Variants in NLRP11 observed in about 807,000 individuals in gnomAD.
NLRP11 encodes the protein NLR family pyrin domain containing 11, also known as NACHT, LRR and PYD domains-containing protein 11.
NLRP11 carries 53 observed loss-of-function variants against 79.3 expected under a neutral mutation model. The ratio of observed to expected loss-of-function variants is 0.67; its 90% CI spans 0.54 to 0.84. The LOEUF is 0.84. Ranked by LOEUF, NLRP11 falls within the 40% of genes least tolerant of loss-of-function variation. NLRP11 has a pLI of 0.00. For missense variants in NLRP11, 1,264 were observed against 1,255.0 expected (o/e 1.01, Z -0.11); for synonymous variants, 518 against 462.6 (o/e 1.12, Z -1.54).
chr19:55,797,923 C>T (rs961405393), intron 5 of NLRP11, among the ~76,000 whole-genome samples: 2 of 151,912 alleles, frequency 1.3e-5, no homozygotes, highest in Non-Finnish European at 2.9e-5. Flanking sequence ...AGCCGCAGCA[C>T]GGTACATAAA....
exon 3 of NLRP11, chr19:55,810,088 C>G: frequency 6.2e-7 from 1 of 1,614,160 alleles, no homozygotes; most frequent in Non-Finnish European, 8.5e-7. Flanking sequence ...TCTGCCACAT[C>G]TCACCCTTGA....
intron 5 of NLRP11, among the ~76,000 whole-genome samples, chr19:55,799,285 A>C (rs970458975): frequency 5.3e-5 from 8 of 152,186 alleles, no homozygotes. Flanking sequence ...ATCAAAGTTG[A>C]TATCTCTACA....
chr19:55,807,229 G>C (rs1568635128), intron 4 of NLRP11, among the ~76,000 whole-genome samples: 1 of 152,208 alleles, frequency 6.6e-6, no homozygotes, highest in South Asian at 2.1e-4. Context: ...AGAATCCTAA[G>C]ATCATATATG....
At chr19:55,816,677 C>A (rs999572023) in intron 2 of NLRP11, among the ~76,000 whole-genome samples, 6 of 152,114 alleles carry the variant, frequency 3.9e-5, no homozygotes, top group African/African-American at 1.2e-4. Flanking sequence ...CGGTTGTTAA[C>A]CCTCCATGAT....
chr19:55,815,116 C>CA (rs199819676), intron 2 of NLRP11, among the ~76,000 whole-genome samples: 33,772 of 150,590 alleles, frequency 0.22, 5,747 homozygotes, highest in African/African-American at 0.48. Context: ...ATTCAGGTTA[C>CA]AAAAAAAAAT....
chr19:55,822,283 T>G (rs976319381), intron 1 of NLRP11, among the ~76,000 whole-genome samples: 4 of 146,408 alleles, frequency 2.7e-5, no homozygotes, highest in Admixed American at 6.7e-5. Context: ...TAAAAAAAGA[T>G]TGCCTTAGTC....
Position 55,788,820 on chromosome 19 carries a change from G to C in NLRP11, c.2842C>G (p.Leu948Val), listed in dbSNP as rs754899228. Residue 948 changes from leucine (L) to valine (V), a missense_variant, in exon 9 of 10, where the codon CTT becomes GTT. Transcript: ENST00000589093. ...TAAGCAACTTACCCAACTACCTTAA[G>C]TACACAATCTGGGCTGATCAAGCTC... The C allele has an allele frequency of 1.2e-5, 19 of 1,538,252 alleles. No individual in the cohort carries two copies. In the South Asian group the frequency reaches 1.7e-4, roughly 14 times the overall value.
chr19:55,807,839 G>A lies in NLRP11; in HGVS notation c.2003+14C>T, dbSNP rs1568635403. 2 of 1,578,712 alleles carry A rather than the reference G, an allele frequency of 1.3e-6. No individual in the cohort carries two copies. The highest frequency in any genetic ancestry group is 2.3e-5 in the South Asian group (2 of 88,768). On this transcript the variant is annotated intron_variant, in intron 4 of 9. Transcript: ENST00000589093. Reference sequence around the variant, plus strand: ...TAGGGGAACCTCTAAGGCAGAGGTTGATATAGTACTTACTTGAGTGTGCGA... The same window carrying A: ...TAGGGGAACCTCTAAGGCAGAGGTTAATATAGTACTTACTTGAGTGTGCGA...
chr19:55,821,008 T>C (rs2164657), intron 1 of NLRP11, among the ~76,000 whole-genome samples: 2 of 151,952 alleles, frequency 1.3e-5, no homozygotes, highest in Admixed American at 1.3e-4. Context: ...CCAGAGCTGA[T>C]AAGAGTGGCT....
chr19:55,836,176 T>A (rs771384934), upstream of NLRP11, among the ~76,000 whole-genome samples: 2 of 152,170 alleles, frequency 1.3e-5, no homozygotes, highest in Non-Finnish European at 2.9e-5. Flanking sequence ...GGCAGAAAGA[T>A]GTTGTGCCAC....
At chr19:55,793,557 A>C (rs1181863818) in intron 6 of NLRP11, among the ~76,000 whole-genome samples, 1 of 17,948 alleles carries the variant, frequency 5.6e-5, no homozygotes, top group African/African-American at 3.3e-4. Flanking sequence ...GACTGTCTCC[A>C]AAAAAAAAAA....
At position 55,809,780 on chromosome 19, in the gene NLRP11, G is replaced by A. The variant is rs987752817; in HGVS notation, c.830C>T (p.Ser277Leu). 2 of 1,613,976 alleles carry A rather than the reference G, an allele frequency of 1.2e-6. No homozygotes were observed. Among genetic ancestry groups the A allele is most frequent in the African/African-American group, 1.3e-5 (1 of 74,924 alleles). The change falls in exon 3 of 10, where the codon TCA (serine) becomes TTA (leucine). Residue 277 changes from serine to leucine, a missense_variant. Coordinates refer to ENST00000589093, the Ensembl canonical transcript of NLRP11. The surrounding 1 kb of genome is among the most constrained non-coding windows in gnomAD (Gnocchi z 4.5). ...TACATTATTCCCACGTGTGGGCCTT[G>A]AGGAGATGAGGAACCAGCAGCCTGG... is the stretch of plus-strand genomic sequence containing the variant.
chr19:55,787,625 C>T (rs544821181), intron 9 of NLRP11, among the ~76,000 whole-genome samples: 1 of 152,360 alleles, frequency 6.6e-6, no homozygotes, highest in Admixed American at 6.5e-5. Flanking sequence ...GCATGAACCA[C>T]AGCACCTGGC....
In NLRP11 at chr19:55,819,126, T is replaced by TACACACACAC. The variant is rs59055964; in HGVS notation, c.-62-900_-62-891dup. On this transcript the variant is annotated intron_variant, in intron 1 of 9. Coordinates refer to ENST00000589093, the Ensembl canonical transcript of NLRP11. ...CCCCACTGTACTGAGTGGTATCGCC[T>TACACACACAC]ACACACACACACACACACACACACA... 8.8e-4 allele frequency among the ~76,000 whole-genome samples: 93 copies of TACACACACAC among 105,262 alleles called. 4 individuals are homozygous for TACACACACAC. Among genetic ancestry groups the TACACACACAC allele is most frequent in the Middle Eastern group, 4.6e-3 (1 of 216 alleles). The allele number at this position is 105,262 out of a possible 152,430, so 69.1% of individuals were successfully genotyped here.
In NLRP11 at chr19:55,809,657, C is replaced by T; in HGVS notation, c.953G>A (p.Arg318Lys). ...TACAAGCTGGAGGGCTGCCGACGCC[C>T]TCTGGCGGTCTTTAAAGAAAGAGTT... Residue 318 changes from arginine (R) to lysine (K), a missense_variant, in exon 3 of 10, where the codon AGG (arginine) becomes AAG (lysine). Coordinates refer to ENST00000589093, the Ensembl canonical transcript of NLRP11. This position sits in a 1 kb window ranked among gnomAD's most constrained non-coding sequence, Gnocchi z 4.5. 6.2e-7 allele frequency: 1 copy of T among 1,613,936 alleles called. No homozygotes were observed.
Position 55,819,126 on chromosome 19 carries a change from T to TACACACAC in NLRP11, c.-62-898_-62-891dup, listed in dbSNP as rs59055964. On this transcript the variant is annotated intron_variant, in intron 1 of 9. Coordinates refer to ENST00000589093, the Ensembl canonical transcript of NLRP11. ...CCCCACTGTACTGAGTGGTATCGCC[T>TACACACAC]ACACACACACACACACACACACACA... 3.3e-3 allele frequency among the ~76,000 whole-genome samples: 352 copies of TACACACAC among 105,250 alleles called. 9 individuals are homozygous for TACACACAC. The highest frequency in any genetic ancestry group is 5.4e-3 in the Non-Finnish European group (261 of 48,072). 69.0% of individuals were successfully genotyped at this position (105,250 alleles called of 152,430 possible). A position where few individuals can be genotyped will look rare whatever the true frequency, so the allele number is the denominator to read the frequency against.
At chr19:55,810,254 T>G (rs1241074053) in exon 3 of NLRP11, 3 of 1,614,050 alleles carry the variant, frequency 1.9e-6, no homozygotes, top group East Asian at 2.2e-5. Context: ...ACGAAAAAAT[T>G]TATAATGAAA....
chr19:55,801,566 A>C lies in NLRP11; in HGVS notation c.2171+6T>G, dbSNP rs1343401980. 2 of 1,613,576 alleles carry C rather than the reference A, an allele frequency of 1.2e-6. No individual in the cohort carries two copies. Among genetic ancestry groups the C allele is most frequent in the Non-Finnish European group, 1.7e-6 (2 of 1,179,616 alleles). On this transcript the variant is annotated splice_donor_region_variant and intron_variant, in intron 5 of 9. Coordinates refer to ENST00000589093, the Ensembl canonical transcript of NLRP11. ...GCACTGAGCTTTCAGCCGAGCAACAACTCACCTCAGATGACTTATTTGGCA... is the reference window on the plus strand; with the variant it reads ...GCACTGAGCTTTCAGCCGAGCAACACCTCACCTCAGATGACTTATTTGGCA...
chr19:55,788,139 G>C (rs1057064720), intron 9 of NLRP11, among the ~76,000 whole-genome samples: 4 of 152,082 alleles, frequency 2.6e-5, no homozygotes, highest in African/African-American at 9.7e-5. Flanking sequence ...TTTTATGAGA[G>C]GAATCTAATG....
Sources: allele counts gnomAD v4.1 joint callset (sites outside exome capture counted in the v4.1 genomes callset), GRCh38; gene constraint gnomAD v4.1.1; non-coding constraint Gnocchi (gnomAD v3.1); transcripts MANE v1.5; gene names NCBI Gene and HGNC (gene_info 2026-07-23, HGNC 2026-07-21).